KIF21A: variants seen among roughly 807,000 people sequenced by gnomAD.
KIF21A encodes kinesin family member 21A.
A neutral mutation model predicts 202.9 loss-of-function variants in KIF21A; 114 were observed. The observed-to-expected ratio is 0.56, with a 90% CI of 0.48 to 0.66. The LOEUF (loss-of-function observed/expected upper bound fraction) is 0.66. Ranked by LOEUF, KIF21A falls within the 30% of genes least tolerant of loss-of-function variation. KIF21A has a pLI of 0.00. For synonymous variants in KIF21A, 667 were observed against 670.8 expected (o/e 0.99, Z 0.09); for missense variants, 1,677 against 1,994.9 (o/e 0.84, Z 3.04).
intron 16 of KIF21A, 97 bp downstream of exon 16, chr12:39,340,068 T>C: frequency 1.1e-6 from 1 of 943,312 alleles, no homozygotes; most frequent in Non-Finnish European, 1.6e-6. Flanking sequence ...GTTACCTTTA[T>C]CGAATATGGA....
chr12:39,298,594 G>A (rs1361196902), intron 37 of KIF21A, among the ~76,000 whole-genome samples: 1 of 151,854 alleles, frequency 6.6e-6, no homozygotes, highest in Non-Finnish European at 1.5e-5. Context: ...ACCTAACAAA[G>A]GTTAAAAACA....
chr12:39,311,469 T>C lies in KIF21A; in HGVS notation c.4044A>G (p.Lys1348=), dbSNP rs201297981. Residue 1348 remains lysine, a synonymous_variant, in exon 32 of 38, where the codon AAA becomes AAG. Coordinates refer to ENST00000361418, the MANE Select transcript of KIF21A (RefSeq NM_001173464.2). Reference sequence around the variant, plus strand: ...CAGTAGAATCCACACAGAGCACAGCTTTTGTATGCCCTTCAGCTATGTGAA... The same window carrying C: ...CAGTAGAATCCACACAGAGCACAGCCTTTGTATGCCCTTCAGCTATGTGAA... ...QCIHIAEGHT[K]AVLCVDSTDD... The C allele has an allele frequency of 1.4e-4, 226 of 1,613,218 alleles. No homozygotes were observed. The East Asian group carries it at 4.2e-3, about 30-fold the overall frequency.
intron 24 of KIF21A, among the ~76,000 whole-genome samples, chr12:39,329,712 A>G (rs1416778394): frequency 6.6e-6 from 1 of 152,186 alleles, no homozygotes; most frequent in Non-Finnish European, 1.5e-5. Flanking sequence ...AGGTACTTGA[A>G]TAGCCTGACC....
At chr12:39,392,036 C>T (rs925793613) in intron 1 of KIF21A, among the ~76,000 whole-genome samples, 1 of 152,070 alleles carries the variant, frequency 6.6e-6, no homozygotes, top group Non-Finnish European at 1.5e-5. Flanking sequence ...CCGCACCCAG[C>T]CTTAAACTGC....
At chr12:39,412,096 C>T (rs932668701) in intron 1 of KIF21A, among the ~76,000 whole-genome samples, 1 of 152,174 alleles carries the variant, frequency 6.6e-6, no homozygotes, top group Non-Finnish European at 1.5e-5. Context: ...CCGCCTCAGC[C>T]TCCCAAAGTG....
chr12:39,400,304 G>A (rs759426057), intron 1 of KIF21A, among the ~76,000 whole-genome samples: 16 of 152,066 alleles, frequency 1.1e-4, no homozygotes, highest in East Asian at 1.9e-4. Context: ...TTTACATTCC[G>A]GGGTACATGT....
chr12:39,436,396 G>C (rs570279992), intron 1 of KIF21A, among the ~76,000 whole-genome samples: 1 of 130,806 alleles, frequency 7.6e-6, no homozygotes, highest in Admixed American at 8.0e-5. Context: ...AATCTATCTC[G>C]TCAATAATTA....
At chr12:39,341,906 A>G in intron 13 of KIF21A, 128 bp downstream of exon 13, 1 of 737,470 alleles carries the variant, frequency 1.4e-6, no homozygotes, top group Non-Finnish European at 2.4e-6. Context: ...AACATCTTCA[A>G]AGAAATAGAT....
intron 37 of KIF21A, among the ~76,000 whole-genome samples, chr12:39,298,278 A>C (rs1189817565): frequency 6.6e-6 from 1 of 152,198 alleles, no homozygotes; most frequent in Admixed American, 6.5e-5. Flanking sequence ...CAGAAAGTAG[A>C]GAAGAGGAGA....
chr12:39,436,345 C>T (rs951371138), intron 1 of KIF21A, among the ~76,000 whole-genome samples: 3 of 148,700 alleles, frequency 2.0e-5, no homozygotes, highest in South Asian at 2.1e-4. Flanking sequence ...GAAGAAGGGG[C>T]CTCAACCAAT....
chr12:39,422,163 G>A (rs942533603), intron 1 of KIF21A, among the ~76,000 whole-genome samples: 2 of 150,968 alleles, frequency 1.3e-5, no homozygotes, highest in Non-Finnish European at 2.9e-5. Flanking sequence ...GTTTCATTAC[G>A]TTGCCCAGGC....
At chr12:39,338,149 G>A (rs369414893) in intron 16 of KIF21A, among the ~76,000 whole-genome samples, 1 of 152,174 alleles carries the variant, frequency 6.6e-6, no homozygotes, top group African/African-American at 2.4e-5. Context: ...AGTGAGACAA[G>A]ATGGGGAGGT....
At position 39,341,548 on chromosome 12, in the gene KIF21A, C is replaced by T; in HGVS notation, c.1878G>A (p.Gly626=). The change falls in exon 14 of 38, where the codon GGG becomes GGA. Residue 626 remains glycine (G), a synonymous_variant. Coordinates refer to ENST00000361418, the MANE Select transcript of KIF21A (RefSeq NM_001173464.2). ...AATCTGATTCATCAGAACTTTCACC[C>T]CCATCAATGTCATCTTCCTCCTCCT... The part of the protein sequence containing the change: ...EEEEEEDDID[G]GESSDESDSE... The T allele has an allele frequency of 6.2e-7, 1 of 1,613,030 alleles. No homozygotes were observed.
rs746638478 is a variant in KIF21A, at chr12:39,370,309, A to G, written c.45-48T>C. On this transcript the variant is annotated intron_variant, in intron 1 of 37. Transcript: ENST00000361418. ...AAAAAAATAAAATAAATGGCAAAAA[A>G]AAACCTCTCAAAAAATAGGACTTAA... is the stretch of plus-strand genomic sequence containing the variant. The G allele has an allele frequency of 1.2e-5, 17 of 1,415,218 alleles. No homozygotes were observed. The South Asian group carries it at 1.8e-4, about 15-fold the overall frequency. The allele number at this position is 1,415,218 out of a possible 1,614,324, so 87.7% of individuals were successfully genotyped here.
chr12:39,440,401 CTG>C (rs770620526), intron 1 of KIF21A, among the ~76,000 whole-genome samples: 7 of 152,162 alleles, frequency 4.6e-5, no homozygotes, highest in Non-Finnish European at 8.8e-5. Context: ...CTTAATCTTT[CTG>C]TGCCTCATCT....
At chr12:39,395,788 T>C (rs1377850750) in intron 1 of KIF21A, among the ~76,000 whole-genome samples, 1 of 143,944 alleles carries the variant, frequency 6.9e-6, no homozygotes, top group African/African-American at 2.6e-5. Flanking sequence ...GTTGCAGTGA[T>C]CCAAGATGGC....
intron 1 of KIF21A, among the ~76,000 whole-genome samples, chr12:39,440,428 T>C (rs1357572772): frequency 6.6e-6 from 1 of 152,188 alleles, no homozygotes; most frequent in African/African-American, 2.4e-5. Context: ...ATGGCCATAA[T>C]AACAGGACCT....
intron 1 of KIF21A, among the ~76,000 whole-genome samples, chr12:39,382,442 G>T (rs991591039): frequency 6.6e-6 from 1 of 151,982 alleles, no homozygotes; most frequent in South Asian, 2.1e-4. Flanking sequence ...ACAATTACAG[G>T]TAATCTGGTT....
At chr12:39,383,117 G>A (rs924791727) in intron 1 of KIF21A, among the ~76,000 whole-genome samples, 2 of 152,226 alleles carry the variant, frequency 1.3e-5, no homozygotes, top group Non-Finnish European at 2.9e-5. Context: ...TTTAATGCAT[G>A]AATGTACTAG....
Sources: gnomAD v4.1 joint callset for allele counts (sites outside exome capture counted in the v4.1 genomes callset) on GRCh38, gnomAD v4.1.1 for gene constraint, MANE v1.5 for transcripts, NCBI Gene and HGNC (gene_info 2026-07-23, HGNC 2026-07-21) for gene names.